RHBDD1: variants seen among roughly 807,000 people sequenced by gnomAD.
RHBDD1 encodes the protein rhomboid-related protein 4.
RHBDD1 carries 38 observed loss-of-function variants against 36.3 expected under a neutral mutation model. That is an observed-to-expected ratio of 1.05 (90% confidence interval 0.81 to 1.37). The LOEUF (loss-of-function observed/expected upper bound fraction) is 1.37, where lower values mean the gene tolerates loss of function less well. RHBDD1 is among the 40% of genes most tolerant of loss of function. RHBDD1 has a pLI of 0.00. For missense variants in RHBDD1, 393 were observed against 377.6 expected (o/e 1.04, Z -0.34); for synonymous variants, 151 against 136.5 (o/e 1.11, Z -0.74).
intron 8 of RHBDD1, among the ~76,000 whole-genome samples, chr2:226,958,702 C>CTG (rs10666758): frequency 0.26 from 36,173 of 138,670 alleles, 4,709 homozygotes; most frequent in East Asian, 0.42. Flanking sequence ...AAGGATTTTT[C>CTG]TGTGTGTGTG....
At chr2:226,844,691 C>G (rs895894003) in intron 3 of RHBDD1, among the ~76,000 whole-genome samples, 1 of 152,164 alleles carries the variant, frequency 6.6e-6, no homozygotes, top group Non-Finnish European at 1.5e-5. Flanking sequence ...CATTGCTGTT[C>G]CCTGTGTGCC....
rs1946815301 is a variant in RHBDD1, at chr2:226,893,002, C to A, written c.567-13791C>A. ...GATCAAGAGTAGAACCTGGGAAGGG[C>A]AGTGCATTCATTCATGTTATGATGT... On this transcript the variant is annotated intron_variant, in intron 5 of 8. Coordinates refer to ENST00000392062, the MANE Select transcript of RHBDD1 (RefSeq NM_001167608.3). 2.6e-5 allele frequency among the ~76,000 whole-genome samples: 4 copies of A among 152,174 alleles called. No homozygotes were observed. The South Asian group carries it at 8.3e-4, about 32-fold the overall frequency.
intron 2 of RHBDD1, 107 bp downstream of exon 2, chr2:226,838,261 G>A (rs558879371): frequency 5.4e-4 from 83 of 152,314 alleles, no homozygotes; most frequent in African/African-American, 2.0e-3. Context: ...ATAAACATAA[G>A]TCACTTTGAA....
intron 8 of RHBDD1, among the ~76,000 whole-genome samples, chr2:226,951,130 A>C (rs1429147321): frequency 1.3e-5 from 2 of 152,064 alleles, no homozygotes; most frequent in African/African-American, 4.8e-5. Context: ...AATCTATTTC[A>C]AGTGGATTTT....
In RHBDD1 at chr2:226,989,805, A is replaced by G. The variant is rs188051647; in HGVS notation, c.857-5626A>G. On this transcript the variant is annotated intron_variant, in intron 8 of 8. Coordinates refer to ENST00000392062, the MANE Select transcript of RHBDD1 (RefSeq NM_001167608.3). ...CAACTGGAGGGGAGAGAAAAGTACA[A>G]CAGGTAAAGTGGTAAACTAGGGGCT... Among the ~76,000 whole-genome samples, 12 of 152,334 alleles carry G rather than the reference A, an allele frequency of 7.9e-5. No homozygotes were observed. The East Asian group carries it at 1.9e-3, about 24-fold the overall frequency.
intron 3 of RHBDD1, among the ~76,000 whole-genome samples, chr2:226,862,917 A>G (rs1943986292): frequency 6.6e-6 from 1 of 152,194 alleles, no homozygotes; most frequent in Admixed American, 6.5e-5. Flanking sequence ...TTTAACAACC[A>G]GCACTGGCAG....
chr2:226,802,587 T>C, the RHBDD1 span, among the ~76,000 whole-genome samples: 1 of 152,208 alleles, frequency 6.6e-6, no homozygotes, highest in Non-Finnish European at 1.5e-5. Context: ...CTAAGCTAAA[T>C]TAGTCTTTTG....
chr2:226,855,984 AT>A (rs908959397), intron 3 of RHBDD1, among the ~76,000 whole-genome samples: 3 of 152,194 alleles, frequency 2.0e-5, no homozygotes, highest in Non-Finnish European at 4.4e-5. Context: ...TCTGGAAGAC[AT>A]TTAATGGATT....
chr2:226,964,425 A>C (rs1359070019), intron 8 of RHBDD1, among the ~76,000 whole-genome samples: 2 of 152,040 alleles, frequency 1.3e-5, no homozygotes, highest in East Asian at 1.9e-4. Context: ...TGGCTTTCCT[A>C]ATATGGTCTG....
intron 4 of RHBDD1, among the ~76,000 whole-genome samples, chr2:226,866,521 G>C (rs1944360205): frequency 6.6e-6 from 1 of 152,190 alleles, no homozygotes; most frequent in South Asian, 2.1e-4. Context: ...CGATGGAGCT[G>C]GGACTTGAGC....
At position 226,986,064 on chromosome 2, in the gene RHBDD1, T is replaced by TA. The variant is rs143661310; in HGVS notation, c.857-9366dup. 1.8e-3 allele frequency among the ~76,000 whole-genome samples: 279 copies of TA among 152,356 alleles called. 1 individual carries two copies. The highest frequency in any genetic ancestry group is 6.2e-3 in the African/African-American group (259 of 41,586). On this transcript the variant is annotated intron_variant, in intron 8 of 8. Coordinates refer to ENST00000392062, the MANE Select transcript of RHBDD1 (RefSeq NM_001167608.3). ...TGATGAGGGCATTTCACCTCTATGG[T>TA]ATTCTTCACCAAAACCCATAACCCC... is the stretch of plus-strand genomic sequence containing the variant.
intron 5 of RHBDD1, among the ~76,000 whole-genome samples, chr2:226,869,641 A>G (rs1365034091): frequency 6.6e-6 from 1 of 152,166 alleles, no homozygotes; most frequent in Non-Finnish European, 1.5e-5. Flanking sequence ...CCAGTTACAG[A>G]GTTTTATGAA....
intron 8 of RHBDD1, among the ~76,000 whole-genome samples, chr2:226,986,200 CAGAA>C (rs1271436634): frequency 2.6e-5 from 4 of 152,176 alleles, no homozygotes; most frequent in Non-Finnish European, 4.4e-5. Context: ...AGAAAGGACT[CAGAA>C]AGAGCCACAG....
At chr2:226,840,101 A>G (rs767288357) in intron 3 of RHBDD1, among the ~76,000 whole-genome samples, 2 of 152,206 alleles carry the variant, frequency 1.3e-5, no homozygotes, top group African/African-American at 2.4e-5. Flanking sequence ...AGTTAGTGAT[A>G]TTACATTGTC....
the RHBDD1 span, among the ~76,000 whole-genome samples, chr2:226,829,428 T>C: frequency 1.3e-5 from 2 of 152,182 alleles, no homozygotes; most frequent in Non-Finnish European, 2.9e-5. Context: ...TTTTGAGGGA[T>C]TGTGTATTGA....
chr2:226,962,174 C>T (rs1952249780), intron 8 of RHBDD1, among the ~76,000 whole-genome samples: 1 of 152,210 alleles, frequency 6.6e-6, no homozygotes, highest in African/African-American at 2.4e-5. Flanking sequence ...TTGGACACTT[C>T]ATCCAAAGGC....
At chr2:226,961,954 T>C (rs79037093) in intron 8 of RHBDD1, among the ~76,000 whole-genome samples, 2,553 of 152,296 alleles carry the variant, frequency 0.017, 64 homozygotes, top group African/African-American at 0.059. Context: ...AGAGTTACAA[T>C]TGATGTTCAG....
the RHBDD1 span, among the ~76,000 whole-genome samples, chr2:226,820,644 C>CAAAAAAAAAAAAAAAAAAAA: frequency 1.6e-5 from 1 of 63,516 alleles, no homozygotes; most frequent in Non-Finnish European, 3.9e-5. Context: ...TCCATCTCCA[C>CAAAAAAAAAAAAAAAAAAAA]AAAAAAAAAA....
the RHBDD1 span, among the ~76,000 whole-genome samples, chr2:226,807,883 A>C: frequency 2.9e-3 from 441 of 152,258 alleles, 3 homozygotes; most frequent in African/African-American, 0.01. Context: ...GCATGGTGGC[A>C]GGCACCTGTA....
Sources: gnomAD v4.1 joint callset for allele counts (sites outside exome capture counted in the v4.1 genomes callset) on GRCh38, gnomAD v4.1.1 for gene constraint, MANE v1.5 for transcripts, NCBI Gene and HGNC (gene_info 2026-07-23, HGNC 2026-07-21) for gene names.